The following EPDR1 variants were observed in gnomAD, a reference collection of about 807,000 sequenced individuals.
The protein encoded by EPDR1 is ependymin related 1, also known as mammalian ependymin-related protein 1.
Under a neutral mutation model 23.7 loss-of-function variants are expected in EPDR1, and 27 were observed. That is an observed-to-expected ratio of 1.14 (90% CI 0.84 to 1.57). The LOEUF is 1.57. Ranked by LOEUF, EPDR1 falls within the 40% of genes most tolerant of loss-of-function variation. The probability of loss-of-function intolerance (pLI) is 0.00; values close to 1 mark genes in which losing one functional copy is unlikely to be tolerated. For missense variants in EPDR1, 349 were observed against 290.4 expected, an observed-to-expected ratio of 1.20 and a Z score of -1.47; for synonymous variants, 137 against 118.2, an observed-to-expected ratio of 1.16 and a Z score of -1.03.
chr7:37,922,670 G>A (rs923307402), intron 1 of EPDR1, among the ~76,000 whole-genome samples: 1 of 151,114 alleles, frequency 6.6e-6, no homozygotes, highest in Admixed American at 6.6e-5. Context: ...GAAGCTAGGG[G>A]GGGGTTCTGA....
chr7:37,947,033 T>G (rs373390877), intron 1 of EPDR1, among the ~76,000 whole-genome samples: 23 of 152,258 alleles, frequency 1.5e-4, no homozygotes, highest in African/African-American at 5.3e-4. Flanking sequence ...AAGTGTACAA[T>G]GTTTATAAAG....
intron 1 of EPDR1, among the ~76,000 whole-genome samples, chr7:37,941,622 T>A (rs1240294587): frequency 1.3e-5 from 2 of 152,186 alleles, no homozygotes; most frequent in African/African-American, 4.8e-5. Flanking sequence ...AAATCCACAT[T>A]GTGGAATATC....
intron 1 of EPDR1, among the ~76,000 whole-genome samples, chr7:37,923,704 T>C (rs1035453606): frequency 6.6e-6 from 1 of 152,044 alleles, no homozygotes. Flanking sequence ...AATTAGACTT[T>C]AGAGTCAGAC....
chr7:37,920,880 G>A lies in EPDR1; in HGVS notation c.-60G>A. ...AGCCGGCGGGAGCCACTCTGATCCCGGACGCCTCAGCGCCCCCTTGGGCTT... is the reference window on the plus strand; with the variant it reads ...AGCCGGCGGGAGCCACTCTGATCCCAGACGCCTCAGCGCCCCCTTGGGCTT... On this transcript the variant is annotated 5_prime_UTR_variant, in exon 1 of 3. Transcript: ENST00000199448. The A allele has an allele frequency of 1.9e-6, 3 of 1,611,496 alleles. No homozygotes were observed. Among genetic ancestry groups the A allele is most frequent in the South Asian group, 1.1e-5 (1 of 90,902 alleles).
At chr7:37,946,923 T>A (rs964377955) in intron 1 of EPDR1, among the ~76,000 whole-genome samples, 3 of 152,196 alleles carry the variant, frequency 2.0e-5, no homozygotes, top group Non-Finnish European at 2.9e-5. Context: ...TCAAAAAGTT[T>A]AAAAAATCAA....
In EPDR1 at chr7:37,920,751, C is replaced by T. The variant is rs1156411692; in HGVS notation, c.-189C>T. On this transcript the variant is annotated 5_prime_UTR_variant, in exon 1 of 3. Transcript: ENST00000199448. ...CTGGAGCCTTCCCCGGGCCCTGGTC[C>T]CGGCTACCGGGACTCGCGCGTCCGG... is the stretch of plus-strand genomic sequence containing the variant. 1.9e-6 allele frequency: 3 copies of T among 1,609,334 alleles called. No homozygotes were observed. The highest frequency in any genetic ancestry group is 1.7e-5 in the Admixed American group (1 of 59,850).
chr7:37,941,859 T>G (rs900616418), intron 1 of EPDR1, among the ~76,000 whole-genome samples: 42 of 152,198 alleles, frequency 2.8e-4, no homozygotes, highest in African/African-American at 8.9e-4. Context: ...TGTGACCATG[T>G]GGCAGAAGCT....
At chr7:37,947,234 T>G (rs1786294686) in intron 1 of EPDR1, among the ~76,000 whole-genome samples, 1 of 152,206 alleles carries the variant, frequency 6.6e-6, no homozygotes, top group Non-Finnish European at 1.5e-5. Context: ...ACATAAATGC[T>G]TACCATTGTG....
intron 1 of EPDR1, among the ~76,000 whole-genome samples, chr7:37,929,533 G>A (rs1785887906): frequency 6.6e-6 from 1 of 151,970 alleles, no homozygotes; most frequent in Non-Finnish European, 1.5e-5. Flanking sequence ...ATGAATAACT[G>A]ATAATATACA....
rs1169381151 is a variant in EPDR1, at chr7:37,951,762, A to C, written c.*1366A>C. On this transcript the variant is annotated 3_prime_UTR_variant, in exon 3 of 3. Transcript: ENST00000199448. ...TTAGTTACCAGGAGAAATGTGTGAC[A>C]CCTATATTATAATGAAAACAATCTC... 3.3e-5 allele frequency: 5 copies of C among 152,206 alleles called. No individual in the cohort carries two copies. The highest frequency in any genetic ancestry group is 7.3e-5 in the Non-Finnish European group (5 of 68,034). 9.4% of individuals were successfully genotyped at this position (152,206 alleles called of 1,614,324 possible).
chr7:37,921,416 C>T (rs1785700289), intron 1 of EPDR1: 2 of 1,391,422 alleles, frequency 1.4e-6, no homozygotes, highest in Non-Finnish European at 1.9e-6. Flanking sequence ...GGCCTGCTGG[C>T]GGGGGACTCA....
At position 37,951,902 on chromosome 7, in the gene EPDR1, T is replaced by C. The variant is rs1786415541; in HGVS notation, c.*1506T>C. ...CTTGGTTATAAGGGAGTTAAAACAA[T>C]GCTGTAATAAATAAAGTGCTTCATG... On this transcript the variant is annotated 3_prime_UTR_variant, in exon 3 of 3. Coordinates refer to ENST00000199448, the MANE Select transcript of EPDR1 (RefSeq NM_017549.5). 6.6e-6 allele frequency: 1 copy of C among 152,234 alleles called. No homozygotes were observed. The highest frequency in any genetic ancestry group is 2.4e-5 in the African/African-American group (1 of 41,454). The allele number at this position is 152,234 out of a possible 1,614,324, so 9.4% of individuals were successfully genotyped here. A position where few individuals can be genotyped will look rare whatever the true frequency, so the allele number is the denominator to read the frequency against.
chr7:37,924,053 C>T (rs756941818), intron 1 of EPDR1, among the ~76,000 whole-genome samples: 3 of 152,154 alleles, frequency 2.0e-5, no homozygotes, highest in Admixed American at 1.3e-4. Context: ...GAACAACCTT[C>T]GAGTAAGGAA....
At chr7:37,921,539 C>G (rs1334169662) in intron 1 of EPDR1, 2 of 1,274,198 alleles carry the variant, frequency 1.6e-6, no homozygotes, top group Non-Finnish European at 2.0e-6. Flanking sequence ...CTGAGTCAGG[C>G]TCTGGGCTCA....
intron 1 of EPDR1, among the ~76,000 whole-genome samples, chr7:37,946,812 T>A (rs955562484): frequency 5.3e-5 from 8 of 151,868 alleles, no homozygotes; most frequent in African/African-American, 1.9e-4. Context: ...TTTAATAAAA[T>A]AAATTTTAAA....
chr7:37,935,989 A>G (rs1465906717), intron 1 of EPDR1, among the ~76,000 whole-genome samples: 2 of 76,052 alleles, frequency 2.6e-5, no homozygotes, highest in African/African-American at 8.5e-5. Flanking sequence ...CTAGCAAATC[A>G]TGGCATATAT....
At chr7:37,926,134 A>C (rs1047583582) in intron 1 of EPDR1, among the ~76,000 whole-genome samples, 13 of 152,150 alleles carry the variant, frequency 8.5e-5, no homozygotes, top group Admixed American at 4.6e-4. Flanking sequence ...GGCTGCTATC[A>C]CCTAAGGTAA....
In EPDR1 at chr7:37,951,574, C is replaced by G. The variant is rs965908287; in HGVS notation, c.*1178C>G. 7 of 152,178 alleles carry G rather than the reference C, an allele frequency of 4.6e-5. No homozygotes were observed. The highest frequency in any genetic ancestry group is 1.7e-4 in the African/African-American group (7 of 41,424). The allele number at this position is 152,178 out of a possible 1,614,324, so 9.4% of individuals were successfully genotyped here. A position where few individuals can be genotyped will look rare whatever the true frequency, so the allele number is the denominator to read the frequency against. The stretch of plus-strand genomic sequence containing the variant: ...CAAGTGCCTGGCACATAGTCAGTGC[C>G]CTAAGTATTCGTAGAGTGAAGAATG... On this transcript the variant is annotated 3_prime_UTR_variant, in exon 3 of 3. Coordinates refer to ENST00000199448, the MANE Select transcript of EPDR1 (RefSeq NM_017549.5).
intron 1 of EPDR1, among the ~76,000 whole-genome samples, chr7:37,943,575 T>C (rs980786697): frequency 2.6e-5 from 4 of 152,256 alleles, no homozygotes; most frequent in Admixed American, 6.5e-5. Context: ...TACTAGCATT[T>C]ATATCCACAT....
Sources: allele counts gnomAD v4.1 joint callset (sites outside exome capture counted in the v4.1 genomes callset), GRCh38; gene constraint gnomAD v4.1.1; transcripts MANE v1.5; gene names NCBI Gene and HGNC (gene_info 2026-07-23, HGNC 2026-07-21).